STARD13: variants seen among roughly 807,000 people sequenced by gnomAD.
The protein encoded by STARD13 is stAR-related lipid transfer protein 13.
A neutral mutation model predicts 106.4 loss-of-function variants in STARD13; 62 were observed. The observed-to-expected ratio is 0.58, with a 90% CI of 0.48 to 0.72. The LOEUF (loss-of-function observed/expected upper bound fraction) is 0.72, where lower values mean the gene tolerates loss of function less well. STARD13 is among the 30% of genes least tolerant of loss of function. The pLI, the probability that STARD13 is intolerant of heterozygous loss-of-function variation, is 0.00. For missense variants in STARD13, 1,387 were observed against 1,424.0 expected (o/e 0.97, Z 0.42); for synonymous variants, 565 against 553.0 (o/e 1.02, Z -0.31).
chr13:33,613,754 G>A, the STARD13 span, among the ~76,000 whole-genome samples: 2 of 152,162 alleles, frequency 1.3e-5, no homozygotes, highest in African/African-American at 2.4e-5. Flanking sequence ...GGAGCCACTC[G>A]GATAGTGACA....
chr13:33,107,054 T>G, intron 12 of STARD13, 120 bp from the exon 13 acceptor site: 1 of 904,916 alleles, frequency 1.1e-6, no homozygotes, highest in Admixed American at 2.7e-5. Context: ...ATTCCAATGC[T>G]AGTGACTTGG....
chr13:33,385,123 C>T, the STARD13 span, among the ~76,000 whole-genome samples: 5 of 130,952 alleles, frequency 3.8e-5, no homozygotes, highest in African/African-American at 8.8e-5. Flanking sequence ...AAGAAAGGTT[C>T]GGAATATATA....
chr13:33,391,361 A>G, the STARD13 span, among the ~76,000 whole-genome samples: 55 of 152,258 alleles, frequency 3.6e-4, no homozygotes, highest in Non-Finnish European at 6.3e-4. Flanking sequence ...AATGTGTGCA[A>G]TTTGTTTTAA....
chr13:33,250,793 T>A (rs1890059540), intron 1 of STARD13, among the ~76,000 whole-genome samples: 2 of 152,232 alleles, frequency 1.3e-5, no homozygotes, highest in South Asian at 4.1e-4. Flanking sequence ...TCCAGATGTC[T>A]TGCCCCTCCT....
chr13:33,675,847 A>G, the STARD13 span, among the ~76,000 whole-genome samples: 2 of 152,184 alleles, frequency 1.3e-5, no homozygotes, highest in African/African-American at 2.4e-5. Context: ...GAAATATTAT[A>G]CAGTGATGCC....
intron 1 of STARD13, among the ~76,000 whole-genome samples, chr13:33,255,095 T>C (rs1271451806): frequency 1.5e-5 from 2 of 130,546 alleles, no homozygotes; most frequent in South Asian, 2.6e-4. Flanking sequence ...TCCATCTGTG[T>C]GCTCCCCCCC....
rs930506543 is a variant in STARD13 at position 33,305,068 on chromosome 13, T to C, written c.124+45222A>G. On this transcript the variant is annotated intron_variant, in intron 1 of 5. Transcript: ENST00000567873. ...AGATATTAGCCCCAAGCTTTTGTTG[T>C]TGTTGTAGAGATGAGGTCTCATTAT... Among the ~76,000 whole-genome samples, 9 of 152,320 alleles carry C rather than the reference T, an allele frequency of 5.9e-5. No homozygotes were observed. The South Asian group carries it at 1.9e-3, about 32-fold the overall frequency.
At chr13:33,498,557 G>T in the STARD13 span, among the ~76,000 whole-genome samples, 3 of 152,154 alleles carry the variant, frequency 2.0e-5, no homozygotes, top group Admixed American at 2.0e-4. Flanking sequence ...GATTGAATGA[G>T]TTTAAATGCT....
At chr13:33,519,429 A>T in the STARD13 span, among the ~76,000 whole-genome samples, 12 of 150,250 alleles carry the variant, frequency 8.0e-5, no homozygotes, top group Non-Finnish European at 1.2e-4. Context: ...ACCTCAAGTG[A>T]TCCACCCACC....
At chr13:33,476,487 T>C in the STARD13 span, among the ~76,000 whole-genome samples, 1 of 152,224 alleles carries the variant, frequency 6.6e-6, no homozygotes, top group Non-Finnish European at 1.5e-5. Flanking sequence ...TGTGGTACAT[T>C]ATTTAAGTAA....
chr13:33,113,756 T>C (rs1418797109), intron 8 of STARD13, among the ~76,000 whole-genome samples: 2 of 152,166 alleles, frequency 1.3e-5, no homozygotes, highest in African/African-American at 4.8e-5. Context: ...TAGTGGGTAC[T>C]GGTTATGCAG....
the STARD13 span, among the ~76,000 whole-genome samples, chr13:33,666,806 G>C: frequency 6.6e-6 from 1 of 152,016 alleles, no homozygotes; most frequent in African/African-American, 2.4e-5. Context: ...TGGCCAGGCT[G>C]GTCTCGAACC....
At chr13:33,303,669 G>A (rs776064146) in intron 1 of STARD13, among the ~76,000 whole-genome samples, 17 of 152,122 alleles carry the variant, frequency 1.1e-4, no homozygotes, top group Non-Finnish European at 2.2e-4. Flanking sequence ...TAAACAGAGG[G>A]AGATGAAGGG....
At chr13:33,548,014 A>G in the STARD13 span, among the ~76,000 whole-genome samples, 1 of 152,176 alleles carries the variant, frequency 6.6e-6, no homozygotes, top group Non-Finnish European at 1.5e-5. Context: ...ATCAGCCTTT[A>G]TTTTAGATTC....
At chr13:33,114,853 C>A (rs946819617) in intron 8 of STARD13, among the ~76,000 whole-genome samples, 1 of 151,960 alleles carries the variant, frequency 6.6e-6, no homozygotes, top group African/African-American at 2.4e-5. Flanking sequence ...TTACTAAAAA[C>A]GCTTCAAATA....
At chr13:33,599,686 A>C in the STARD13 span, among the ~76,000 whole-genome samples, 1 of 152,160 alleles carries the variant, frequency 6.6e-6, no homozygotes, top group South Asian at 2.1e-4. Context: ...TACAGTGACT[A>C]CTGAACTAGC....
chr13:33,564,731 C>A, the STARD13 span, among the ~76,000 whole-genome samples: 1 of 146,308 alleles, frequency 6.8e-6, no homozygotes, highest in Non-Finnish European at 1.5e-5. Context: ...CGGTGGCTCA[C>A]GCCTGTAATC....
the STARD13 span, among the ~76,000 whole-genome samples, chr13:33,454,163 C>T: frequency 6.6e-6 from 1 of 152,214 alleles, no homozygotes; most frequent in Non-Finnish European, 1.5e-5. Flanking sequence ...ACACTTCCTG[C>T]AGGCTGCTCC....
At chr13:33,152,930 A>C (rs1881476775) in intron 3 of STARD13, among the ~76,000 whole-genome samples, 1 of 152,204 alleles carries the variant, frequency 6.6e-6, no homozygotes, top group African/African-American at 2.4e-5. Context: ...GCTGTATCAA[A>C]TCTTTAAGAA....
Sources: gnomAD v4.1 joint callset for allele counts (sites outside exome capture counted in the v4.1 genomes callset) on GRCh38, gnomAD v4.1.1 for gene constraint, MANE v1.5 for transcripts, NCBI Gene and HGNC (gene_info 2026-07-23, HGNC 2026-07-21) for gene names.